DLG2: variants seen among roughly 807,000 people sequenced by gnomAD.
The protein encoded by DLG2 is disks large homolog 2.
DLG2 carries 45 observed loss-of-function variants against 132.5 expected under a neutral mutation model. The observed-to-expected ratio is 0.34, with a 90% CI of 0.27 to 0.44. The LOEUF (loss-of-function observed/expected upper bound fraction) is 0.44. Among genes scored for constraint, DLG2 ranks in the 20% least tolerant of loss-of-function variants. The pLI is 1.00. For synonymous variants in DLG2, 424 were observed against 419.6 expected, an observed-to-expected ratio of 1.01 and a Z score of -0.13; for missense variants, 1,045 against 1,196.9, an observed-to-expected ratio of 0.87 and a Z score of 1.87.
At chr11:84,598,777 T>TA (rs780576535) in intron 6 of DLG2, among the ~76,000 whole-genome samples, 169 of 142,320 alleles carry the variant, frequency 1.2e-3, no homozygotes, top group South Asian at 8.3e-3. Flanking sequence ...AGAAAAACAT[T>TA]AAAAAAAAAA....
intron 6 of DLG2, among the ~76,000 whole-genome samples, chr11:85,082,735 CTTTTTT>C (rs71036458): frequency 1.8e-5 from 2 of 113,410 alleles, no homozygotes; most frequent in Non-Finnish European, 3.6e-5. Context: ...TCTTTTCTTT[CTTTTTT>C]TTTTTTTTTT....
At chr11:85,516,142 A>G (rs1011973617) in intron 3 of DLG2, among the ~76,000 whole-genome samples, 4 of 152,064 alleles carry the variant, frequency 2.6e-5, no homozygotes, top group Admixed American at 2.6e-4. Context: ...ATCAATTCTA[A>G]GAAGAACTCT....
chr11:84,056,410 C>T lies in DLG2; in HGVS notation c.919+2905G>A, dbSNP rs574812820. 1.2e-4 allele frequency among the ~76,000 whole-genome samples: 18 copies of T among 152,214 alleles called. 1 individual carries two copies. The highest frequency in any genetic ancestry group is 4.3e-4 in the African/African-American group (18 of 41,556). ...CCTAGTTATGACGAATCACATCTTC[C>T]ACTTTGTTCCAGTGAAATCATGGCT... is the stretch of plus-strand genomic sequence containing the variant. On this transcript the variant is annotated intron_variant, in intron 11 of 27. Coordinates refer to ENST00000376104, the MANE Select transcript of DLG2 (RefSeq NM_001142699.3).
At chr11:83,887,320 C>T (rs575782459) in intron 15 of DLG2, among the ~76,000 whole-genome samples, 80 of 152,142 alleles carry the variant, frequency 5.3e-4, no homozygotes, top group Admixed American at 7.8e-4. Context: ...ACTACAAACA[C>T]CTCTACGCAA....
chr11:84,074,167 G>C (rs58395431), intron 10 of DLG2, among the ~76,000 whole-genome samples: 3,761 of 152,160 alleles, frequency 0.025, 148 homozygotes, highest in African/African-American at 0.086. Context: ...CCCTGCACTA[G>C]AATATAAGCC....
chr11:83,648,822 T>C (rs138872044), intron 18 of DLG2, among the ~76,000 whole-genome samples: 246 of 152,222 alleles, frequency 1.6e-3, no homozygotes, highest in African/African-American at 5.1e-3. Context: ...TATGTCAACA[T>C]TGGGAAAAGG....
chr11:84,153,582 C>T (rs1337229915), intron 9 of DLG2, among the ~76,000 whole-genome samples: 1 of 152,038 alleles, frequency 6.6e-6, no homozygotes, highest in Non-Finnish European at 1.5e-5. Flanking sequence ...TGTGTTGATT[C>T]AAAAGACCAG....
chr11:83,728,333 C>G (rs1031321385), intron 18 of DLG2, among the ~76,000 whole-genome samples: 2 of 152,206 alleles, frequency 1.3e-5, no homozygotes, highest in Non-Finnish European at 2.9e-5. Flanking sequence ...CACAATTTTG[C>G]TTCCCTAATA....
intron 8 of DLG2, among the ~76,000 whole-genome samples, chr11:84,192,483 C>A (rs1381880569): frequency 6.6e-6 from 1 of 152,190 alleles, no homozygotes; most frequent in African/African-American, 2.4e-5. Flanking sequence ...CTAATCCCAA[C>A]ATTTTGGGAG....
chr11:85,045,200 T>C lies in DLG2; in HGVS notation c.357+66461A>G, dbSNP rs543038954. Among the ~76,000 whole-genome samples, 152 of 152,142 alleles carry C rather than the reference T, an allele frequency of 1.0e-3. No individual in the cohort carries two copies. The Middle Eastern group carries it at 0.01, about 10-fold the overall frequency. ...AGGCCTAGTTCATTACTGGTTGCAA[T>C]TGAGAAAAGGGGAGGGTGGAGAGGT... On this transcript the variant is annotated intron_variant, in intron 6 of 27. Coordinates refer to ENST00000376104, the MANE Select transcript of DLG2 (RefSeq NM_001142699.3).
At position 84,703,557 on chromosome 11, in the gene DLG2, G is replaced by T. The variant is rs112949322; in HGVS notation, c.358-168826C>A. Among the ~76,000 whole-genome samples the T allele has an allele frequency of 6.6e-3, 993 of 151,378 alleles. 20 individuals are homozygous for T. Among genetic ancestry groups the T allele is most frequent in the African/African-American group, 0.023 (951 of 41,366 alleles). The stretch of plus-strand genomic sequence containing the variant: ...ACCCTCTATGAGATAAACAAATAAA[G>T]CTCAAGTCCACAAAATGCCCCACAC... On this transcript the variant is annotated intron_variant, in intron 6 of 27. Coordinates refer to ENST00000376104, the MANE Select transcript of DLG2 (RefSeq NM_001142699.3).
At chr11:84,194,839 G>A (rs2154293968) in intron 8 of DLG2, among the ~76,000 whole-genome samples, 1 of 152,204 alleles carries the variant, frequency 6.6e-6, no homozygotes, top group Middle Eastern at 3.4e-3. Flanking sequence ...GCAGTTGATG[G>A]CACTAGGCCT....
chr11:83,816,631 T>C (rs1320420708), intron 17 of DLG2, among the ~76,000 whole-genome samples: 1 of 152,114 alleles, frequency 6.6e-6, no homozygotes, highest in Non-Finnish European at 1.5e-5. Flanking sequence ...AGAAAGGTAA[T>C]TATAACTACT....
intron 7 of DLG2, among the ~76,000 whole-genome samples, chr11:84,325,319 G>A (rs145991615): frequency 0.1 from 15,205 of 151,874 alleles, 823 homozygotes; most frequent in African/African-American, 0.12. Context: ...CCATCAACTC[G>A]TCATTTACAT....
chr11:84,274,421 A>G (rs1372581617), intron 7 of DLG2, among the ~76,000 whole-genome samples: 1 of 152,226 alleles, frequency 6.6e-6, no homozygotes, highest in Admixed American at 6.5e-5. Flanking sequence ...TAAATTATGC[A>G]TTTAATTGAC....
At chr11:83,854,484 G>A (rs1199711566) in intron 16 of DLG2, among the ~76,000 whole-genome samples, 1 of 152,122 alleles carries the variant, frequency 6.6e-6, no homozygotes, top group Non-Finnish European at 1.5e-5. Flanking sequence ...AATCAAGACA[G>A]TATGGTATTG....
chr11:85,619,449 A>G (rs1192551062), intron 2 of DLG2, among the ~76,000 whole-genome samples: 2 of 152,124 alleles, frequency 1.3e-5, no homozygotes, highest in Non-Finnish European at 2.9e-5. Flanking sequence ...GTGTTTTCCC[A>G]TCTTTCTCTA....
intron 6 of DLG2, among the ~76,000 whole-genome samples, chr11:84,536,557 C>G (rs2099356048): frequency 6.6e-6 from 1 of 152,180 alleles, no homozygotes; most frequent in Non-Finnish European, 1.5e-5. Context: ...ATTTAACATT[C>G]ACTTTTGATC....
chr11:84,862,065 C>T (rs867238080), intron 6 of DLG2, among the ~76,000 whole-genome samples: 8 of 150,800 alleles, frequency 5.3e-5, no homozygotes, highest in African/African-American at 1.7e-4. Flanking sequence ...AGGGATAGCA[C>T]TGGGAGATAT....
Sources: gnomAD v4.1 joint callset for allele counts (sites outside exome capture counted in the v4.1 genomes callset) on GRCh38, gnomAD v4.1.1 for gene constraint, MANE v1.5 for transcripts, NCBI Gene and HGNC (gene_info 2026-07-23, HGNC 2026-07-21) for gene names.